The following STS variants were observed in gnomAD, a reference collection of about 807,000 sequenced individuals.
STS encodes steryl-sulfatase.
A neutral mutation model predicts 26.8 loss-of-function variants in STS; 7 were observed. The observed-to-expected ratio is 0.26, with a 90% confidence interval of 0.15 to 0.49. The LOEUF (loss-of-function observed/expected upper bound fraction) is 0.49. Among genes scored for constraint, STS ranks in the 20% least tolerant of loss-of-function variants. STS has a pLI of 0.98. For missense variants in STS, 434 were observed against 465.6 expected (o/e 0.93, Z 0.63); for synonymous variants, 199 against 189.4 (o/e 1.05, Z -0.42).
chrX:7,338,383 G>A (rs1440120389), intron 10 of STS, among the ~76,000 whole-genome samples: 2 of 111,932 alleles, frequency 1.8e-5, no homozygotes, highest in Non-Finnish European at 3.8e-5. Flanking sequence ...TGGGATAGCT[G>A]TAGATATATT....
At chrX:7,151,328 G>C (rs1464755751) in intron 1 of STS, among the ~76,000 whole-genome samples, 1 of 111,572 alleles carries the variant, frequency 9.0e-6, no homozygotes, top group Non-Finnish European at 1.9e-5. Flanking sequence ...GAGGGTAACA[G>C]GTTGGACTAG....
At chrX:7,324,295 G>C (rs777864046) in intron 8 of STS, among the ~76,000 whole-genome samples, 1 of 110,524 alleles carries the variant, frequency 9.0e-6, no homozygotes, top group South Asian at 3.9e-4. Flanking sequence ...AAATAAGGGG[G>C]TTGTGGAGGC....
At chrX:7,236,841 G>A (rs1408559137) in intron 2 of STS, among the ~76,000 whole-genome samples, 3 of 104,975 alleles carry the variant, frequency 2.9e-5, no homozygotes, top group East Asian at 3.0e-4. Flanking sequence ...TTAGGTATGC[G>A]AATGAAAGTA....
chrX:7,236,909 T>G (rs1202640818), intron 2 of STS, among the ~76,000 whole-genome samples: 3 of 109,887 alleles, frequency 2.7e-5, no homozygotes, highest in African/African-American at 9.9e-5. Flanking sequence ...ACTTTCAGAT[T>G]CTTGATAACC....
At chrX:7,284,169 C>T (rs1440749220) in intron 7 of STS, among the ~76,000 whole-genome samples, 1 of 111,885 alleles carries the variant, frequency 8.9e-6, no homozygotes, top group Non-Finnish European at 1.9e-5. Context: ...GAATGTAGAA[C>T]CATTATGGAC....
chrX:7,308,232 G>C (rs1400102283), intron 8 of STS, among the ~76,000 whole-genome samples: 1 of 111,186 alleles, frequency 9.0e-6, no homozygotes. Flanking sequence ...TGCATTCCAC[G>C]CTCTAGTTCA....
rs368381226 is a variant in STS, at chrX:7,213,591, T to A, written c.-5+22583T>A. ...CAGTGTGTCCACTGCGTTTTAGGAT[T>A]CTTCTTTTCAATCAATAATCCTCAT... On this transcript the variant is annotated intron_variant, in intron 2 of 10. Coordinates refer to ENST00000674429, the MANE Select transcript of STS (RefSeq NM_001320752.2). Among the ~76,000 whole-genome samples, 3 of 111,660 alleles carry A rather than the reference T, an allele frequency of 2.7e-5. No individual in the cohort carries two copies. The South Asian group carries it at 1.1e-3, about 43-fold the overall frequency.
In STS at chrX:7,351,954, GAA is replaced by G. The variant is rs1928819372; in HGVS notation, c.*1695_*1696del. ...TCTTTCTAAAAAAAAAAAAAAAAAA[GAA>G]AGAGAAGAAAGAAGTGATTCCTACC... On this transcript the variant is annotated 3_prime_UTR_variant, in exon 11 of 11. Coordinates refer to ENST00000674429, the MANE Select transcript of STS (RefSeq NM_001320752.2). The G allele has an allele frequency of 2.0e-5, 2 of 98,594 alleles. No individual in the cohort carries two copies. The highest frequency in any genetic ancestry group is 2.2e-4 in the Admixed American group (2 of 9,106). The allele number at this position is 98,594 out of a possible 1,213,427, so 8.1% of individuals were successfully genotyped here.
At chrX:7,326,032 G>T (rs1328288341) in intron 9 of STS, among the ~76,000 whole-genome samples, 14 of 111,809 alleles carry the variant, frequency 1.3e-4, no homozygotes, top group African/African-American at 3.9e-4. Context: ...TGCTGGCTTT[G>T]GGGATCAGGG....
At chrX:7,207,266 T>G (rs1920957239) in intron 2 of STS, among the ~76,000 whole-genome samples, 1 of 112,211 alleles carries the variant, frequency 8.9e-6, no homozygotes, top group Admixed American at 9.4e-5. Context: ...TTTTCTGCAT[T>G]GCCCAGGAGT....
At chrX:7,155,257 C>T (rs1485952560) in intron 1 of STS, among the ~76,000 whole-genome samples, 2 of 111,843 alleles carry the variant, frequency 1.8e-5, no homozygotes, top group Non-Finnish European at 3.8e-5. Context: ...CTCCTTCAAA[C>T]ACACTTTAGA....
At chrX:7,289,654 G>A (rs190318154) in intron 7 of STS, among the ~76,000 whole-genome samples, 7 of 111,252 alleles carry the variant, frequency 6.3e-5, no homozygotes, top group Admixed American at 1.9e-4. Flanking sequence ...ATGAATCCAG[G>A]AATATGTCTT....
rs974800420 is a variant in STS at position 7,164,951 on chromosome X, G to A, written c.-134+16868G>A. 8.2e-5 allele frequency among the ~76,000 whole-genome samples: 9 copies of A among 110,133 alleles called. No homozygotes were observed. The East Asian group carries it at 1.1e-3, about 14-fold the overall frequency. ...TGAGGTGGGAGGACAGCTTGAGTCT[G>A]GCAGGTTGAGGCTGCAGTGAGCACT... On this transcript the variant is annotated intron_variant, in intron 1 of 10. Coordinates refer to ENST00000674429, the MANE Select transcript of STS (RefSeq NM_001320752.2).
intron 6 of STS, among the ~76,000 whole-genome samples, chrX:7,271,968 G>A (rs1924294460): frequency 9.1e-6 from 1 of 109,971 alleles, no homozygotes; most frequent in African/African-American, 3.3e-5. Context: ...TTTCAAAGGA[G>A]TAGGGGGTTA....
chrX:7,309,986 A>G (rs1163104936), intron 8 of STS, among the ~76,000 whole-genome samples: 1 of 111,935 alleles, frequency 8.9e-6, no homozygotes, highest in Non-Finnish European at 1.9e-5. Flanking sequence ...TCCCTCTGAG[A>G]CCCTTCTAAA....
chrX:7,267,501 A>G (rs1039150631), intron 6 of STS, among the ~76,000 whole-genome samples: 1 of 112,349 alleles, frequency 8.9e-6, no homozygotes, highest in South Asian at 3.7e-4. Context: ...TATGTCTTCA[A>G]TAGAAAGAGA....
chrX:7,172,850 A>G (rs1933493877), intron 1 of STS, among the ~76,000 whole-genome samples: 2 of 112,147 alleles, frequency 1.8e-5, no homozygotes, highest in African/African-American at 6.5e-5. Flanking sequence ...GGGACTTGAC[A>G]AGTGGGATAC....
At chrX:7,254,526 A>T (rs1341612122) in intron 3 of STS, among the ~76,000 whole-genome samples, 2 of 109,546 alleles carry the variant, frequency 1.8e-5, no homozygotes, top group African/African-American at 6.7e-5. Flanking sequence ...GAGGATGAGG[A>T]AAGAGATTAT....
chrX:7,350,210 C>T lies in STS; in HGVS notation c.1686C>T (p.Gly562=). 2 of 1,211,603 alleles carry T rather than the reference C, an allele frequency of 1.7e-6. No homozygotes were observed. Among genetic ancestry groups the T allele is most frequent in the Non-Finnish European group, 2.2e-6 (2 of 895,359 alleles). ...PWLQLCCPST[G]LSCQCDREKQ... is the part of the protein sequence containing the mutation. ...TTCAGCTGTGCTGTCCTTCCACCGGCCTGTCTTGCCAGTGTGATAGAGAAA... is the reference window on the plus strand; with the variant it reads ...TTCAGCTGTGCTGTCCTTCCACCGGTCTGTCTTGCCAGTGTGATAGAGAAA... The change falls in exon 11 of 11, where the codon GGC becomes GGT. Residue 562 remains glycine, a synonymous_variant. Coordinates refer to ENST00000674429, the MANE Select transcript of STS (RefSeq NM_001320752.2).
Sources: gnomAD v4.1 joint callset for allele counts (sites outside exome capture counted in the v4.1 genomes callset) on GRCh38, gnomAD v4.1.1 for gene constraint, MANE v1.5 for transcripts, NCBI Gene and HGNC (gene_info 2026-07-23, HGNC 2026-07-21) for gene names.